Variants in PTPRQ observed in about 807,000 individuals in gnomAD.
PTPRQ encodes phosphatidylinositol phosphatase PTPRQ.
In PTPRQ, 199 loss-of-function variants were observed where a neutral mutation model predicts 246.0. The ratio of observed to expected loss-of-function variants is 0.81; its 90% CI spans 0.72 to 0.91. The LOEUF is 0.91. Ranked by LOEUF, PTPRQ falls within the 40% of genes least tolerant of loss-of-function variation. The pLI, the probability that PTPRQ is intolerant of heterozygous loss-of-function variation, is 0.00. For missense variants in PTPRQ, 2,624 were observed against 2,528.4 expected (o/e 1.04, Z -0.81); for synonymous variants, 869 against 853.2 (o/e 1.02, Z -0.32).
chr12:80,529,738 T>G (rs1895789298), intron 17 of PTPRQ, among the ~76,000 whole-genome samples: 2 of 152,118 alleles, frequency 1.3e-5, no homozygotes, highest in Admixed American at 1.3e-4. Context: ...AATTGAAGAC[T>G]TTTTTTGGCG....
chr12:80,499,124 G>A (rs1203283092), intron 14 of PTPRQ, among the ~76,000 whole-genome samples: 1 of 151,828 alleles, frequency 6.6e-6, no homozygotes, highest in Non-Finnish European at 1.5e-5. Flanking sequence ...AGTAAATTGG[G>A]GCTTGACTAT....
chr12:80,489,922 A>G (rs1894392087), intron 9 of PTPRQ, among the ~76,000 whole-genome samples: 1 of 151,908 alleles, frequency 6.6e-6, no homozygotes, highest in African/African-American at 2.4e-5. Flanking sequence ...TGAGATTGAT[A>G]TAGATGCATC....
intron 25 of PTPRQ, among the ~76,000 whole-genome samples, chr12:80,550,172 A>G (rs966870653): frequency 6.6e-6 from 1 of 152,012 alleles, no homozygotes; most frequent in Non-Finnish European, 1.5e-5. Flanking sequence ...ACCAGCCTTT[A>G]TCTTTCATGT....
intron 17 of PTPRQ, among the ~76,000 whole-genome samples, chr12:80,526,623 C>A (rs139823640): frequency 6.6e-6 from 1 of 152,024 alleles, no homozygotes; most frequent in Non-Finnish European, 1.5e-5. Flanking sequence ...TTTAGAGGAA[C>A]TGAAGAACAG....
At chr12:80,452,942 A>G (rs11834589) in intron 3 of PTPRQ, among the ~76,000 whole-genome samples, 7,870 of 152,252 alleles carry the variant, frequency 0.052, 678 homozygotes, top group African/African-American at 0.18. Context: ...GTTCTCCTGG[A>G]TAATATCCTG....
chr12:80,607,567 A>C (rs1473022662), intron 27 of PTPRQ, among the ~76,000 whole-genome samples: 3 of 150,454 alleles, frequency 2.0e-5, no homozygotes, highest in African/African-American at 4.8e-5. Flanking sequence ...GATATGTAGA[A>C]GTGAACAACT....
intron 39 of PTPRQ, among the ~76,000 whole-genome samples, chr12:80,667,414 C>T (rs993328316): frequency 6.6e-6 from 1 of 151,870 alleles, no homozygotes; most frequent in African/African-American, 2.4e-5. Flanking sequence ...TTCTGAATAA[C>T]CTATTTCTGA....
intron 25 of PTPRQ, among the ~76,000 whole-genome samples, chr12:80,553,790 A>G (rs149092048): frequency 5.9e-5 from 9 of 152,320 alleles, no homozygotes; most frequent in Middle Eastern, 3.4e-3. Flanking sequence ...TTATGCCCAA[A>G]TATATCATAT....
In PTPRQ at chr12:80,649,642, C is replaced by T; in HGVS notation, c.5997C>T (p.Asn1999=). ...ATGTTGAAGAGCTTTGCACAAACAA[C>T]AACCTAAAGTTTCAAGAAGAATTTT... The part of the protein sequence containing the change: ...LQHVEELCTN[N]NLKFQEEFSE... The change falls in exon 37 of 45, where the codon AAC becomes AAT. Residue 1999 remains asparagine, a synonymous_variant. Transcript: ENST00000644991. The T allele has an allele frequency of 1.9e-6, 3 of 1,549,110 alleles. No individual in the cohort carries two copies. The highest frequency in any genetic ancestry group is 2.6e-6 in the Non-Finnish European group (3 of 1,145,524).
rs571256066 is a variant in PTPRQ, at chr12:80,658,456, C to T, written c.6192+395C>T. The stretch of plus-strand genomic sequence containing the variant: ...ATTATGCAGCTCTTCCCTTCTAGAT[C>T]TGCAGTCCTTCAAGCGGGTAATAAT... On this transcript the variant is annotated intron_variant, in intron 39 of 44. Coordinates refer to ENST00000644991, the MANE Select transcript of PTPRQ (RefSeq NM_001145026.2). Among the ~76,000 whole-genome samples, 6 of 152,198 alleles carry T rather than the reference C, an allele frequency of 3.9e-5. No individual in the cohort carries two copies. The South Asian group carries it at 1.2e-3, about 32-fold the overall frequency.
intron 3 of PTPRQ, among the ~76,000 whole-genome samples, chr12:80,452,458 C>T (rs981022959): frequency 1.8e-4 from 27 of 152,108 alleles, no homozygotes; most frequent in Non-Finnish European, 2.2e-4. Context: ...TTCTTCCTAG[C>T]CTTGATGGTC....
In PTPRQ at chr12:80,542,345, C is replaced by G; in HGVS notation, c.3702C>G (p.Phe1234Leu). The change falls in exon 22 of 45, where the codon TTC becomes TTG. Residue 1234 changes from phenylalanine to leucine, a missense_variant. Transcript: ENST00000644991. ...GACTTGGTCCTTCCAGTATTCTTTT[C>G]TTTTACACAGATGAGTCAGGTAAGC... ...RKGLGPSSILFFYTDESVPLA... is the reference protein window; with the variant it reads ...RKGLGPSSILLFYTDESVPLA... 6.5e-7 allele frequency: 1 copy of G among 1,541,348 alleles called. No individual in the cohort carries two copies. The highest frequency in any genetic ancestry group is 2.5e-5 in the East Asian group (1 of 40,788).
Position 80,616,484 on chromosome 12 carries a change from A to G in PTPRQ, c.5230+218A>G, listed in dbSNP as rs576533564. 5.3e-5 allele frequency among the ~76,000 whole-genome samples: 8 copies of G among 151,154 alleles called. No homozygotes were observed. The East Asian group carries it at 1.6e-3, about 29-fold the overall frequency. Reference sequence around the variant, plus strand: ...TAAATAAGGAGAATGTCTTTATTTTATATTTCTTTAATATATTTTATATTT... The same window carrying G: ...TAAATAAGGAGAATGTCTTTATTTTGTATTTCTTTAATATATTTTATATTT... On this transcript the variant is annotated intron_variant, in intron 30 of 44. Coordinates refer to ENST00000644991, the MANE Select transcript of PTPRQ (RefSeq NM_001145026.2).
At chr12:80,635,988 A>T (rs1193044509) in intron 35 of PTPRQ, among the ~76,000 whole-genome samples, 2 of 152,200 alleles carry the variant, frequency 1.3e-5, no homozygotes, top group Non-Finnish European at 2.9e-5. Flanking sequence ...GTTGGTCTTT[A>T]TCTAATAGAT....
chr12:80,498,514 CCAGCTGGAAAGTGAT>C (rs949988799), intron 14 of PTPRQ, among the ~76,000 whole-genome samples: 21 of 152,044 alleles, frequency 1.4e-4, no homozygotes, highest in African/African-American at 4.1e-4. Flanking sequence ...CCTAATGGCA[CCAGCTGGAAAGTGAT>C]CAGCTGGAAA....
chr12:80,600,257 C>T lies in PTPRQ; in HGVS notation c.4610-4802C>T, dbSNP rs552062411. Among the ~76,000 whole-genome samples the T allele has an allele frequency of 8.6e-5, 13 of 151,760 alleles. No homozygotes were observed. The South Asian group carries it at 2.7e-3, about 32-fold the overall frequency. On this transcript the variant is annotated intron_variant, in intron 26 of 44. Transcript: ENST00000644991. ...TGAATGATCTTTGAATGTCATTTTTCTCTTACCTCTGCTTGGGGTCACACA... is the reference window on the plus strand; with the variant it reads ...TGAATGATCTTTGAATGTCATTTTTTTCTTACCTCTGCTTGGGGTCACACA...
Position 80,635,082 on chromosome 12 carries a change from A to T in PTPRQ, c.5915+9A>T, listed in dbSNP as rs1899595694. 6.5e-7 allele frequency: 1 copy of T among 1,549,488 alleles called. No homozygotes were observed. Among genetic ancestry groups the T allele is most frequent in the African/African-American group, 1.4e-5 (1 of 72,864 alleles). On this transcript the variant is annotated intron_variant, in intron 35 of 44. Transcript: ENST00000644991. ...GACGAGAGATTAACGCGGTGAGCAC[A>T]CTCCTCTGGGTGAACTGTGGTCCAG...
At chr12:80,509,405 A>G (rs922455544) in intron 16 of PTPRQ, among the ~76,000 whole-genome samples, 1 of 152,138 alleles carries the variant, frequency 6.6e-6, no homozygotes, top group African/African-American at 2.4e-5. Context: ...CTGTATTTCA[A>G]TTGACATTGT....
intron 26 of PTPRQ, 93 bp from the exon 27 acceptor site, chr12:80,604,966 A>C (rs1399053827): frequency 4.1e-6 from 5 of 1,224,128 alleles, no homozygotes; most frequent in Non-Finnish European, 5.3e-6. Context: ...TTAATTTATT[A>C]TGACTATCCA....
Sources: gnomAD v4.1 joint callset for allele counts (sites outside exome capture counted in the v4.1 genomes callset) on GRCh38, gnomAD v4.1.1 for gene constraint, MANE v1.5 for transcripts, NCBI Gene and HGNC (gene_info 2026-07-23, HGNC 2026-07-21) for gene names.